The following TVP23B variants were observed in gnomAD, a reference collection of about 807,000 sequenced individuals.
The protein encoded by TVP23B is trans-golgi network vesicle protein 23 homolog B.
In TVP23B, 10 loss-of-function variants were observed where a neutral mutation model predicts 30.6. That is an observed-to-expected ratio of 0.33 (90% CI 0.20 to 0.55). The LOEUF is 0.55. TVP23B is among the 20% of genes least tolerant of loss of function. TVP23B has a pLI of 0.91. For missense variants in TVP23B, 153 were observed against 243.2 expected (o/e 0.63, Z 2.47); for synonymous variants, 67 against 83.1 (o/e 0.81, Z 1.06).
intron 5 of TVP23B, among the ~76,000 whole-genome samples, chr17:18,801,134 T>G (rs1224205470): frequency 6.6e-6 from 1 of 152,248 alleles, no homozygotes; most frequent in Non-Finnish European, 1.5e-5. Flanking sequence ...TCTCTCTGTA[T>G]TTCCTTAGCT....
chr17:18,787,122 T>C lies in TVP23B; in HGVS notation c.13-2231T>C, dbSNP rs574710461. Among the ~76,000 whole-genome samples, 43 of 151,984 alleles carry C rather than the reference T, an allele frequency of 2.8e-4. 1 individual carries two copies. The South Asian group carries it at 6.7e-3, about 24-fold the overall frequency. ...ATGCAAAGACAGTCTTGGTTGGGCGTGGTGGCTCACACCTATAATCCCAGC... is the reference window on the plus strand; with the variant it reads ...ATGCAAAGACAGTCTTGGTTGGGCGCGGTGGCTCACACCTATAATCCCAGC... On this transcript the variant is annotated intron_variant, in intron 1 of 6. Transcript: ENST00000307767.
rs752796580 is a variant in TVP23B, at chr17:18,790,906, G to A, written c.106G>A (p.Ala36Thr). 3.7e-6 allele frequency: 6 copies of A among 1,610,246 alleles called. No homozygotes were observed. The highest frequency in any genetic ancestry group is 1.6e-4 in the Middle Eastern group (1 of 6,076). Residue 36 changes from alanine to threonine, a missense_variant, in exon 3 of 7, where the codon GCA (alanine) becomes ACA (threonine). By Grantham distance (58) the Ala-to-Thr change is moderately conservative. Around this residue, in one of 3 missense-constraint regions of TVP23B, gnomAD observed 38 missense variants for 40.9 expected, o/e 0.93. Coordinates refer to ENST00000307767, the MANE Select transcript of TVP23B (RefSeq NM_016078.6). ...TGTTTTGGTTTTCAGACATCCAGTAGCATCGTTTTTCCACTTATTCTTTCG... is the reference window on the plus strand; with the variant it reads ...TGTTTTGGTTTTCAGACATCCAGTAACATCGTTTTTCCACTTATTCTTTCG... ...PRKAKIRHPV[A>T]SFFHLFFRVS...
chr17:18,805,078 CTTTTTTTTTTTTT>C (rs71155360), intron 6 of TVP23B, among the ~76,000 whole-genome samples: 2 of 108,722 alleles, frequency 1.8e-5, no homozygotes, highest in East Asian at 2.8e-4. Flanking sequence ...GTGACTAGGT[CTTTTTTTTTTTTT>C]TTTTTTTTTT....
At chr17:18,799,750 A>G (rs972697716) in intron 5 of TVP23B, among the ~76,000 whole-genome samples, 2 of 152,120 alleles carry the variant, frequency 1.3e-5, no homozygotes, top group Non-Finnish European at 2.9e-5. Flanking sequence ...TATATCTGAT[A>G]TGAATAAATA....
At chr17:18,787,333 G>A (rs1197493999) in intron 1 of TVP23B, among the ~76,000 whole-genome samples, 2 of 150,048 alleles carry the variant, frequency 1.3e-5, no homozygotes, top group Non-Finnish European at 1.5e-5. Context: ...AACCCAGGAG[G>A]TGGAGGTTGC....
intron 1 of TVP23B, among the ~76,000 whole-genome samples, chr17:18,783,145 G>T (rs1204831623): frequency 4.0e-5 from 6 of 149,172 alleles, no homozygotes; most frequent in Admixed American, 3.4e-4. Flanking sequence ...CACTCTTGTT[G>T]CCCAGGCTGG....
intron 3 of TVP23B, among the ~76,000 whole-genome samples, 174 bp downstream of exon 3, chr17:18,791,214 A>ATTG (rs2035990027): frequency 1.8e-5 from 1 of 56,148 alleles, no homozygotes; most frequent in African/African-American, 6.9e-5. Flanking sequence ...TTTTTTTTTC[A>ATTG]TTTTTTCCCT....
Position 18,781,323 on chromosome 17 carries a change from C to T in TVP23B, c.12+18C>T, listed in dbSNP as rs1455324109. 2.5e-6 allele frequency: 4 copies of T among 1,577,882 alleles called. No individual in the cohort carries two copies. The highest frequency in any genetic ancestry group is 1.8e-5 in the Admixed American group (1 of 54,868). Reference sequence around the variant, plus strand: ...TGCAGCAGGTGAGGGGCTGAGGGCTCGCTGGGAGGGTGGCGGCTCCTGGGA... The same window carrying T: ...TGCAGCAGGTGAGGGGCTGAGGGCTTGCTGGGAGGGTGGCGGCTCCTGGGA... On this transcript the variant is annotated intron_variant, in intron 1 of 6. Coordinates refer to ENST00000307767, the MANE Select transcript of TVP23B (RefSeq NM_016078.6).
intron 2 of TVP23B, among the ~76,000 whole-genome samples, chr17:18,790,321 G>A (rs1304341647): frequency 1.6e-4 from 25 of 151,666 alleles, no homozygotes; most frequent in Non-Finnish European, 2.5e-4. Context: ...AAAATTAGCC[G>A]GGCGTGGTGG....
At chr17:18,788,158 C>G (rs2035936288) in intron 1 of TVP23B, among the ~76,000 whole-genome samples, 2 of 151,534 alleles carry the variant, frequency 1.3e-5, no homozygotes, top group Admixed American at 1.3e-4. Context: ...TGAAACCTGT[C>G]TCTACAAAAA....
intron 3 of TVP23B, among the ~76,000 whole-genome samples, chr17:18,792,215 T>C (rs1171325138): frequency 6.6e-6 from 1 of 152,038 alleles, no homozygotes; most frequent in East Asian, 1.9e-4. Flanking sequence ...TTTGTATTTT[T>C]AGTACAGACG....
chr17:18,792,885 T>A (rs920456584), intron 3 of TVP23B, among the ~76,000 whole-genome samples: 1 of 152,176 alleles, frequency 6.6e-6, no homozygotes, highest in African/African-American at 2.4e-5. Context: ...GTGTCGTAAT[T>A]GTTATAAATC....
At chr17:18,803,122 A>G (rs2036193238) in intron 5 of TVP23B, among the ~76,000 whole-genome samples, 1 of 152,108 alleles carries the variant, frequency 6.6e-6, no homozygotes, top group South Asian at 2.1e-4. Flanking sequence ...TAGATTGGAA[A>G]ACGACATTTC....
intron 3 of TVP23B, among the ~76,000 whole-genome samples, chr17:18,795,427 T>C (rs1433880606): frequency 2.0e-5 from 3 of 152,156 alleles, no homozygotes; most frequent in African/African-American, 7.2e-5. Flanking sequence ...TCCTTCCTAC[T>C]CCATATCCAA....
rs1370573251 is a variant in TVP23B, at chr17:18,806,162, T to C, written c.*595T>C. ...CTACTTTATAAAATTTTATTTTTGTTTGTAAGAAGTCATCTATTTAAGGCC... is the reference window on the plus strand; with the variant it reads ...CTACTTTATAAAATTTTATTTTTGTCTGTAAGAAGTCATCTATTTAAGGCC... On this transcript the variant is annotated 3_prime_UTR_variant, in exon 7 of 7. Transcript: ENST00000307767. The C allele has an allele frequency of 1.1e-6, 1 of 885,858 alleles. No homozygotes were observed. Among genetic ancestry groups the C allele is most frequent in the Non-Finnish European group, 1.4e-6 (1 of 739,102 alleles). The allele number at this position is 885,858 out of a possible 1,614,324, so 54.9% of individuals were successfully genotyped here.
intron 3 of TVP23B, 145 bp downstream of exon 3, chr17:18,791,185 TA>T: frequency 8.8e-6 from 4 of 454,738 alleles, no homozygotes; most frequent in Non-Finnish European, 1.3e-5. Context: ...AAATTGCATG[TA>T]GTTTTTTTTT....
Position 18,798,941 on chromosome 17 carries a change from T to A in TVP23B, c.460T>A (p.Leu154Met), listed in dbSNP as rs767287010. The A allele has an allele frequency of 6.2e-7, 1 of 1,612,222 alleles. No homozygotes were observed. Among genetic ancestry groups the A allele is most frequent in the East Asian group, 2.2e-5 (1 of 44,808 alleles). ...ACTCTTCTCCTTCAGAGTAAAGTGG[T>A]TGGTGAGTATCAGTGTAGAACTTTC... ...SALFSFRVKWLAVVIMGVVLQ... is the reference protein window; with the variant it reads ...SALFSFRVKWMAVVIMGVVLQ... Residue 154 changes from leucine (L) to methionine (M), a missense_variant and splice_region_variant, in exon 5 of 7, where the codon TTG becomes ATG. Leu to Met is a conservative substitution (Grantham distance 15). Around this residue, in one of 3 missense-constraint regions of TVP23B, gnomAD observed 62 missense variants for 74.3 expected, o/e 0.83. Transcript: ENST00000307767.
intron 3 of TVP23B, among the ~76,000 whole-genome samples, chr17:18,795,268 C>T (rs1442495197): frequency 1.3e-5 from 2 of 152,114 alleles, no homozygotes; most frequent in East Asian, 3.9e-4. Context: ...AGCCACCATG[C>T]CTGGCCAGGC....
chr17:18,781,483 C>T, intron 1 of TVP23B, 178 bp downstream of exon 1: 16 of 1,208,870 alleles, frequency 1.3e-5, no homozygotes, highest in Admixed American at 2.8e-5. Context: ...GTTCTGAGGC[C>T]GCTGGGGGCG....
Sources: gnomAD v4.1 joint callset for allele counts (sites outside exome capture counted in the v4.1 genomes callset) on GRCh38, gnomAD v4.1.1 for gene constraint, gnomAD v4.1.1 regional missense constraint, MANE v1.5 for transcripts, NCBI Gene and HGNC (gene_info 2026-07-23, HGNC 2026-07-21) for gene names.